Variants in NEGR1 observed in about 807,000 individuals in gnomAD.
NEGR1 encodes the protein neuronal growth regulator 1.
Under a neutral mutation model 40.9 loss-of-function variants are expected in NEGR1, and 10 were observed. The observed-to-expected ratio is 0.24, with a 90% CI of 0.15 to 0.42. NEGR1 has a LOEUF of 0.42. NEGR1 is among the 10% of genes least tolerant of loss of function. The pLI is 1.00. For synonymous variants in NEGR1, 185 were observed against 166.8 expected (o/e 1.11, Z -0.84); for missense variants, 352 against 438.9 (o/e 0.80, Z 1.77).
At chr1:72,010,609 C>T (rs935339873) in intron 1 of NEGR1, among the ~76,000 whole-genome samples, 19 of 151,826 alleles carry the variant, frequency 1.3e-4, no homozygotes, top group African/African-American at 4.4e-4. Flanking sequence ...CTCTCCCTCC[C>T]CCCAACCCCT....
At chr1:71,693,976 C>G (rs1301622067) in intron 4 of NEGR1, among the ~76,000 whole-genome samples, 1 of 151,634 alleles carries the variant, frequency 6.6e-6, no homozygotes, top group Non-Finnish European at 1.5e-5. Flanking sequence ...AATAAATCAG[C>G]TTTTTGATTT....
intron 2 of NEGR1, among the ~76,000 whole-genome samples, chr1:71,906,000 G>A (rs1278454862): frequency 1.3e-5 from 2 of 152,070 alleles, no homozygotes; most frequent in African/African-American, 2.4e-5. Context: ...TATCTAATTA[G>A]GGACTTTCCA....
Position 71,667,958 on chromosome 1 carries a change from A to G in NEGR1, c.667+30050T>C, listed in dbSNP as rs981896041. On this transcript the variant is annotated intron_variant, in intron 4 of 6. Transcript: ENST00000357731. ...AGGTATTGTTAATACATATGAAAGT[A>G]GCATATAATGTAGTCATAATACATA... is the stretch of plus-strand genomic sequence containing the variant. Among the ~76,000 whole-genome samples, 118 of 152,356 alleles carry G rather than the reference A, an allele frequency of 7.7e-4. 1 individual carries two copies. Among genetic ancestry groups the G allele is most frequent in the African/African-American group, 2.8e-3 (115 of 41,592 alleles).
At chr1:71,686,156 T>C (rs939860721) in intron 4 of NEGR1, among the ~76,000 whole-genome samples, 23 of 152,198 alleles carry the variant, frequency 1.5e-4, no homozygotes, top group Admixed American at 3.9e-4. Flanking sequence ...TTTTTATCAT[T>C]GCTTTCAGGC....
chr1:71,484,702 A>C (rs1646875716), intron 6 of NEGR1: 1 of 151,720 alleles, frequency 6.6e-6, no homozygotes, highest in African/African-American at 2.4e-5. Context: ...AATAGTATTA[A>C]TAATCTTCCA....
chr1:71,901,120 A>T (rs1661132308), intron 2 of NEGR1, among the ~76,000 whole-genome samples: 1 of 152,194 alleles, frequency 6.6e-6, no homozygotes, highest in South Asian at 2.1e-4. Context: ...TGAAGTGTCA[A>T]TGAAGCAGCC....
At chr1:71,680,950 C>A (rs1285212135) in intron 4 of NEGR1, among the ~76,000 whole-genome samples, 2 of 152,194 alleles carry the variant, frequency 1.3e-5, no homozygotes, top group African/African-American at 4.8e-5. Flanking sequence ...AACATTCCCA[C>A]AATTTCTAGG....
intron 1 of NEGR1, among the ~76,000 whole-genome samples, chr1:72,203,467 G>A (rs1277519556): frequency 1.3e-5 from 2 of 152,082 alleles, no homozygotes; most frequent in African/African-American, 4.8e-5. Flanking sequence ...AAACTTGAAT[G>A]AATGATAAGT....
At chr1:71,501,350 T>G (rs1374396590) in intron 6 of NEGR1, among the ~76,000 whole-genome samples, 1 of 152,168 alleles carries the variant, frequency 6.6e-6, no homozygotes, top group Non-Finnish European at 1.5e-5. Context: ...TGAACTTTAA[T>G]CGTATGAAGC....
At chr1:71,808,006 A>T (rs1195088008) in intron 2 of NEGR1, among the ~76,000 whole-genome samples, 2 of 152,226 alleles carry the variant, frequency 1.3e-5, no homozygotes, top group Admixed American at 1.3e-4. Flanking sequence ...GAATTTTAAA[A>T]TATCATTTAT....
At chr1:71,781,005 T>G (rs896978465) in intron 2 of NEGR1, among the ~76,000 whole-genome samples, 2 of 152,242 alleles carry the variant, frequency 1.3e-5, no homozygotes, top group Non-Finnish European at 2.9e-5. Flanking sequence ...CTCCACTGTT[T>G]GTACGATAAT....
At chr1:71,451,186 T>C (rs1646625338) in intron 6 of NEGR1, among the ~76,000 whole-genome samples, 1 of 152,214 alleles carries the variant, frequency 6.6e-6, no homozygotes, top group African/African-American at 2.4e-5. Context: ...AAACAGAAGC[T>C]TTAATATCAT....
At chr1:71,494,936 C>A (rs1646952120) in intron 6 of NEGR1, among the ~76,000 whole-genome samples, 1 of 152,096 alleles carries the variant, frequency 6.6e-6, no homozygotes, top group South Asian at 2.1e-4. Context: ...TCCTCTTCAG[C>A]CTACTCAACA....
At position 71,901,722 on chromosome 1, in the gene NEGR1, G is replaced by A. The variant is rs199930998; in HGVS notation, c.409+33357C>T. Among the ~76,000 whole-genome samples the A allele has an allele frequency of 8.0e-4, 115 of 144,170 alleles. 5 individuals carry two copies. The East Asian group carries it at 0.018, about 23-fold the overall frequency. 94.6% of individuals were successfully genotyped at this position (144,170 alleles called of 152,430 possible). On this transcript the variant is annotated intron_variant, in intron 2 of 6. Transcript: ENST00000357731. ...GTCTCACTCTGTCACCCAGGCTGGA[G>A]TGCAATGGTGCGATCTCAGCTCACT... is the stretch of plus-strand genomic sequence containing the variant.
intron 5 of NEGR1, among the ~76,000 whole-genome samples, chr1:71,597,904 C>T (rs1649778012): frequency 6.6e-6 from 1 of 151,498 alleles, no homozygotes; most frequent in Non-Finnish European, 1.5e-5. Flanking sequence ...CAGAGTGAGA[C>T]TCCATCCCAA....
At chr1:71,660,598 C>T (rs1008151760) in intron 4 of NEGR1, among the ~76,000 whole-genome samples, 1 of 152,138 alleles carries the variant, frequency 6.6e-6, no homozygotes, top group Admixed American at 6.5e-5. Context: ...CTAGATGAGG[C>T]TCTGATTCTG....
At chr1:72,273,254 ATCC>A (rs1655910408) in intron 1 of NEGR1, among the ~76,000 whole-genome samples, 2 of 152,018 alleles carry the variant, frequency 1.3e-5, no homozygotes, top group African/African-American at 4.8e-5. Flanking sequence ...TGAGTTATTC[ATCC>A]ATATTAACAG....
intron 4 of NEGR1, among the ~76,000 whole-genome samples, chr1:71,690,218 G>A (rs1347718913): frequency 4.6e-5 from 7 of 151,886 alleles, no homozygotes; most frequent in South Asian, 2.1e-4. Flanking sequence ...ATGCTATGGC[G>A]AAGACCCAAG....
intron 4 of NEGR1, among the ~76,000 whole-genome samples, chr1:71,675,126 T>TATATATATATATATATATATATACAC (rs145354058): frequency 0.014 from 1,084 of 77,468 alleles, 41 homozygotes; most frequent in African/African-American, 0.019. Flanking sequence ...TATATATATA[T>TATATATATATATATATATATATACAC]ACACACACAC....
Sources: gnomAD v4.1 joint callset for allele counts (sites outside exome capture counted in the v4.1 genomes callset) on GRCh38, gnomAD v4.1.1 for gene constraint, MANE v1.5 for transcripts, NCBI Gene and HGNC (gene_info 2026-07-23, HGNC 2026-07-21) for gene names.